INSL6: variants seen among roughly 807,000 people sequenced by gnomAD.
The protein encoded by INSL6 is insulin-like peptide INSL6.
In INSL6, 16 loss-of-function variants were observed where a neutral mutation model predicts 9.4. That is an observed-to-expected ratio of 1.70 (90% CI 1.15 to 2.59). The LOEUF (loss-of-function observed/expected upper bound fraction) is 2.59, where lower values mean the gene tolerates loss of function less well. Ranked by LOEUF, INSL6 falls within the 30% of genes most tolerant of loss-of-function variation. The probability of loss-of-function intolerance (pLI) is 0.00; values close to 1 mark genes in which losing one functional copy is unlikely to be tolerated. For missense variants in INSL6, 391 were observed against 257.3 expected (o/e 1.52, Z -3.56); for synonymous variants, 154 against 96.9 (o/e 1.59, Z -3.46).
At chr9:5,019,885 G>A in the INSL6 span, among the ~76,000 whole-genome samples, 1 of 152,202 alleles carries the variant, frequency 6.6e-6, no homozygotes, top group Admixed American at 6.5e-5. Flanking sequence ...GCTGGGGATG[G>A]TGACACCAGC....
chr9:5,019,107 C>A, the INSL6 span, among the ~76,000 whole-genome samples: 1 of 152,250 alleles, frequency 6.6e-6, no homozygotes, highest in South Asian at 2.1e-4. Context: ...TCTTGATATA[C>A]TTGGGTAGTT....
chr9:5,126,842 T>C, intron 3 of INSL6: 1 of 1,084,126 alleles, frequency 9.2e-7, no homozygotes, highest in African/African-American at 1.6e-5. Context: ...AACAAAGTTT[T>C]ATATTTCACA....
At chr9:5,032,135 G>A in the INSL6 span, among the ~76,000 whole-genome samples, 4 of 152,236 alleles carry the variant, frequency 2.6e-5, no homozygotes, top group African/African-American at 7.2e-5. Context: ...CTACGCCCAC[G>A]GAGCCTCGCT....
At chr9:5,112,593 T>C in the INSL6 span, 1 of 773,900 alleles carries the variant, frequency 1.3e-6, no homozygotes. Flanking sequence ...AAGAGGGCTC[T>C]TAAGGAGCTG....
At chr9:5,027,149 A>C in the INSL6 span, among the ~76,000 whole-genome samples, 1 of 152,214 alleles carries the variant, frequency 6.6e-6, no homozygotes, top group African/African-American at 2.4e-5. Flanking sequence ...ACCAGATGAA[A>C]TGTTTTAAAA....
At chr9:5,130,564 C>G (rs1824253858) in intron 3 of INSL6, among the ~76,000 whole-genome samples, 1 of 152,012 alleles carries the variant, frequency 6.6e-6, no homozygotes, top group Non-Finnish European at 1.5e-5. Context: ...TTTTCAAACA[C>G]AGTTGTATAC....
At chr9:5,146,880 G>C (rs918348555) in intron 2 of INSL6, among the ~76,000 whole-genome samples, 4 of 152,174 alleles carry the variant, frequency 2.6e-5, no homozygotes, top group Non-Finnish European at 5.9e-5. Context: ...TGGTGCAAAA[G>C]CTATGGTGTG....
At chr9:5,095,000 G>C in the INSL6 span, 1 of 152,060 alleles carries the variant, frequency 6.6e-6, no homozygotes, top group Admixed American at 6.5e-5. Flanking sequence ...CTAATTTCCA[G>C]CATTCCACCC....
At chr9:5,142,285 T>C (rs1824516301) in intron 2 of INSL6, among the ~76,000 whole-genome samples, 1 of 152,238 alleles carries the variant, frequency 6.6e-6, no homozygotes, top group South Asian at 2.1e-4. Context: ...TAACACTGAA[T>C]CTGTAGATTG....
At chr9:5,015,321 AGGATGCCTG>A in the INSL6 span, among the ~76,000 whole-genome samples, 1 of 152,236 alleles carries the variant, frequency 6.6e-6, no homozygotes, top group Non-Finnish European at 1.5e-5. Flanking sequence ...TGGTCTCTAG[AGGATGCCTG>A]GGTATCCTAA....
chr9:4,993,287 T>G, the INSL6 span, among the ~76,000 whole-genome samples: 1 of 152,218 alleles, frequency 6.6e-6, no homozygotes, highest in Non-Finnish European at 1.5e-5. Context: ...ATTTAGATCT[T>G]AAGAAAGGAT....
At chr9:5,157,659 T>A (rs1285836858) in intron 2 of INSL6, among the ~76,000 whole-genome samples, 2 of 152,138 alleles carry the variant, frequency 1.3e-5, no homozygotes, top group Non-Finnish European at 2.9e-5. Flanking sequence ...AAATTTGTAA[T>A]AAGCTAAAAT....
At chr9:5,145,062 G>A (rs1824574274) in intron 2 of INSL6, among the ~76,000 whole-genome samples, 1 of 152,124 alleles carries the variant, frequency 6.6e-6, no homozygotes, top group Admixed American at 6.5e-5. Context: ...TAGTATTACT[G>A]GTCTGTATAC....
At chr9:5,006,024 T>G in the INSL6 span, among the ~76,000 whole-genome samples, 36 of 152,356 alleles carry the variant, frequency 2.4e-4, no homozygotes, top group South Asian at 7.0e-3. Flanking sequence ...TTTCCAATTC[T>G]GTGAAGAAAG....
the INSL6 span, chr9:5,090,765 G>A: frequency 6.2e-7 from 1 of 1,608,242 alleles, no homozygotes; most frequent in South Asian, 1.1e-5. Context: ...GTACAAAAAG[G>A]TATATCCACA....
chr9:5,101,422 G>A, the INSL6 span, among the ~76,000 whole-genome samples: 1 of 152,242 alleles, frequency 6.6e-6, no homozygotes, highest in Admixed American at 6.5e-5. Flanking sequence ...TGCAAGGCCT[G>A]CTGCCTTTGT....
the INSL6 span, among the ~76,000 whole-genome samples, chr9:5,102,644 A>G: frequency 3.9e-5 from 6 of 152,220 alleles, no homozygotes; most frequent in Non-Finnish European, 8.8e-5. Context: ...AGCCAGAGAG[A>G]AATGTCGGGT....
intron 1 of INSL6, 29 bp from the exon 2 acceptor site, chr9:5,164,294 C>A: frequency 1.4e-6 from 2 of 1,406,604 alleles, no homozygotes; most frequent in Non-Finnish European, 2.0e-6. Context: ...ATAAATGCTC[C>A]TTTATTAAAA....
the INSL6 span, chr9:5,090,434 TTA>T: frequency 2.8e-4 from 421 of 1,523,812 alleles, 4 homozygotes; most frequent in South Asian, 4.7e-3. Flanking sequence ...ATTTCCACCT[TTA>T]TGTTAAAAGG....
Sources: allele counts gnomAD v4.1 joint callset (sites outside exome capture counted in the v4.1 genomes callset), GRCh38; gene constraint gnomAD v4.1.1; transcripts MANE v1.5; gene names NCBI Gene and HGNC (gene_info 2026-07-23, HGNC 2026-07-21).